GIT1: variants seen among roughly 807,000 people sequenced by gnomAD.
The protein encoded by GIT1 is ARF GTPase-activating protein GIT1.
GIT1 carries 14 observed loss-of-function variants against 91.7 expected under a neutral mutation model. The ratio of observed to expected loss-of-function variants is 0.15; its 90% CI spans 0.10 to 0.24. GIT1 has a LOEUF of 0.24. Among genes scored for constraint, GIT1 ranks in the 10% least tolerant of loss-of-function variants. The pLI is 1.00. For missense variants in GIT1, 717 were observed against 1,024.9 expected (o/e 0.70, Z 4.10); for synonymous variants, 414 against 418.2 (o/e 0.99, Z 0.12).
At chr17:29,579,782 G>A (rs1201020018) in intron 7 of GIT1, among the ~76,000 whole-genome samples, 1 of 151,646 alleles carries the variant, frequency 6.6e-6, no homozygotes, top group Non-Finnish European at 1.5e-5. Flanking sequence ...TCTCCTCCCT[G>A]AAAAATAGAT....
At chr17:29,586,197 A>G (rs986409016) in intron 1 of GIT1, among the ~76,000 whole-genome samples, 1 of 152,224 alleles carries the variant, frequency 6.6e-6, no homozygotes, top group Middle Eastern at 3.2e-3. Context: ...GAAATGTTCT[A>G]TAACATGCTT....
Position 29,589,082 on chromosome 17 carries a change from C to A in GIT1, c.52+245G>T, listed in dbSNP as rs1230510320. ...TGCCCGCCTCCCTCAGACCGAGGAGCGGGAGGCGGCGCCGGGAACGTCCTT... is the reference window on the plus strand; with the variant it reads ...TGCCCGCCTCCCTCAGACCGAGGAGAGGGAGGCGGCGCCGGGAACGTCCTT... On this transcript the variant is annotated intron_variant, in intron 1 of 19. Transcript: ENST00000225394. The surrounding 1 kb of genome is among the most constrained non-coding windows in gnomAD (Gnocchi z 5.2). Among the ~76,000 whole-genome samples, 2 of 152,132 alleles carry A rather than the reference C, an allele frequency of 1.3e-5. No homozygotes were observed. The highest frequency in any genetic ancestry group is 3.9e-4 in the East Asian group (2 of 5,172).
At chr17:29,577,820 C>A in intron 9 of GIT1, 78 bp from the exon 10 acceptor site, 1 of 866,954 alleles carries the variant, frequency 1.2e-6, no homozygotes. Context: ...CTGAGCCCAG[C>A]CTTCCTAGCT....
chr17:29,574,532 T>G lies in GIT1; in HGVS notation c.*170A>C. The G allele has an allele frequency of 1.5e-6, 1 of 682,380 alleles. No homozygotes were observed. Among genetic ancestry groups the G allele is most frequent in the Non-Finnish European group, 2.6e-6 (1 of 378,322 alleles). 42.3% of individuals were successfully genotyped at this position (682,380 alleles called of 1,614,324 possible). On this transcript the variant is annotated 3_prime_UTR_variant, in exon 20 of 20. Transcript: ENST00000225394. ...CTCCTGCCCCCCCACCTCCCCATCCTTAGGGGCTCGACAGGGGTGGGCACC... is the reference window on the plus strand; with the variant it reads ...CTCCTGCCCCCCCACCTCCCCATCCGTAGGGGCTCGACAGGGGTGGGCACC...
Position 29,576,651 on chromosome 17 carries a change from A to G in GIT1, c.1251T>C (p.Ser417=), listed in dbSNP as rs780389107. The stretch of plus-strand genomic sequence containing the variant: ...ACTCCTGCAGCGTCACAGCCCCGTC[A>G]GACAAGTCCGAGGAGTCCATGCTCT... ...RARSMDSSDL[S]DGAVTLQEYL... The change falls in exon 13 of 20, where the codon TCT becomes TCC. Residue 417 remains serine (S), a synonymous_variant. Coordinates refer to ENST00000225394, the MANE Select transcript of GIT1 (RefSeq NM_014030.4). The G allele has an allele frequency of 2.4e-5, 39 of 1,613,890 alleles. No homozygotes were observed. The South Asian group carries it at 4.1e-4, about 17-fold the overall frequency.
Position 29,582,089 on chromosome 17 carries a change from G to A in GIT1, c.461C>T (p.Ser154Phe). ...GNLETCLRLL[S>F]LGAQANFFHP... ...GAAGAAGTTGGCCTGGGCACCCAGGGAGAGCAGGCGCAGACATGTCTCCAG... is the reference window on the plus strand; with the variant it reads ...GAAGAAGTTGGCCTGGGCACCCAGGAAGAGCAGGCGCAGACATGTCTCCAG... The change falls in exon 5 of 20, where the codon TCC (serine) becomes TTC (phenylalanine). Residue 154 changes from serine (S) to phenylalanine (F), a missense_variant. Transcript: ENST00000225394. 6.2e-7 allele frequency: 1 copy of A among 1,604,654 alleles called. No individual in the cohort carries two copies. The highest frequency in any genetic ancestry group is 8.5e-7 in the Non-Finnish European group (1 of 1,179,390).
rs2042956029 is a variant in GIT1, at chr17:29,589,126, T to C, written c.52+201A>G. On this transcript the variant is annotated intron_variant, in intron 1 of 19. Coordinates refer to ENST00000225394, the MANE Select transcript of GIT1 (RefSeq NM_014030.4). This position sits in a 1 kb window ranked among gnomAD's most constrained non-coding sequence, Gnocchi z 5.2. Reference sequence around the variant, plus strand: ...CGTCCTTCCTCGCTAGTCCACGGCCTCCAGGGAGCATGGGCACCCCAGGCC... The same window carrying C: ...CGTCCTTCCTCGCTAGTCCACGGCCCCCAGGGAGCATGGGCACCCCAGGCC... Among the ~76,000 whole-genome samples, 1 of 151,884 alleles carries C rather than the reference T, an allele frequency of 6.6e-6. No individual in the cohort carries two copies. Among genetic ancestry groups the C allele is most frequent in the Admixed American group, 6.6e-5 (1 of 15,260 alleles).
At chr17:29,576,174 C>G (rs1219534416) in intron 14 of GIT1, 43 bp from the exon 15 acceptor site, 3 of 1,609,452 alleles carry the variant, frequency 1.9e-6, no homozygotes, top group Non-Finnish European at 2.6e-6. Flanking sequence ...GACCCTGCGG[C>G]AGCCCCACCC....
Position 29,582,956 on chromosome 17 carries a change from G to A in GIT1, c.268C>T (p.Arg90Trp), listed in dbSNP as rs1481564048. ...TTGTCTTGGGGGTTGGCTTTACGCC[G>A]GCCGCTCTGCACTTGTGCGGGGTCC... is the stretch of plus-strand genomic sequence containing the variant. ...LLDPAQVQSG[R>W]RKANPQDKVH... The change falls in exon 3 of 20, where the codon CGG becomes TGG. Residue 90 changes from arginine to tryptophan, a missense_variant. Arg to Trp is a moderately radical substitution (Grantham distance 101). Around this residue, in one of 3 missense-constraint regions of GIT1, gnomAD observed 271 missense variants for 451.6 expected, o/e 0.60. Transcript: ENST00000225394. 12 of 1,611,878 alleles carry A rather than the reference G, an allele frequency of 7.4e-6. No individual in the cohort carries two copies. Among genetic ancestry groups the A allele is most frequent in the Admixed American group, 3.3e-5 (2 of 60,002 alleles).
rs555366671 is a variant in GIT1, at chr17:29,576,268, G to A, written c.1563C>T (p.Gly521=). Residue 521 remains glycine (G), a synonymous_variant, in exon 14 of 20, where the codon GGC becomes GGT. Coordinates refer to ENST00000225394, the MANE Select transcript of GIT1 (RefSeq NM_014030.4). ...GCGTAGTGAGCTCGTCCCCAGGGGGGCCCCCAAAGGGCTTCAGGGCAGAGC... is the reference window on the plus strand; with the variant it reads ...GCGTAGTGAGCTCGTCCCCAGGGGGACCCCCAAAGGGCTTCAGGGCAGAGC... ...EPGSALKPFG[G]PPGDELTTRL... is the part of the protein sequence containing the mutation. 3.1e-6 allele frequency: 5 copies of A among 1,610,298 alleles called. No homozygotes were observed. The African/African-American group carries it at 5.3e-5, about 17-fold the overall frequency.
At position 29,578,296 on chromosome 17, in the gene GIT1, C is replaced by T. The variant is rs2033282632; in HGVS notation, c.883+3G>A. On this transcript the variant is annotated splice_donor_region_variant and intron_variant, in intron 9 of 19. Transcript: ENST00000225394. Reference sequence around the variant, plus strand: ...CGCCAGACACTCCTGCTCCCTGACTCACCTGCATCATTTTCTCTTCGATCC... The same window carrying T: ...CGCCAGACACTCCTGCTCCCTGACTTACCTGCATCATTTTCTCTTCGATCC... 1 of 1,612,432 alleles carries T rather than the reference C, an allele frequency of 6.2e-7. No homozygotes were observed. Among genetic ancestry groups the T allele is most frequent in the Non-Finnish European group, 8.5e-7 (1 of 1,178,544 alleles).
intron 7 of GIT1, chr17:29,580,990 G>A (rs1052603423): frequency 3.4e-6 from 1 of 295,842 alleles, no homozygotes; most frequent in Non-Finnish European, 6.7e-6. Flanking sequence ...TGTTGGCCAG[G>A]CTAGTCTTGA....
Position 29,577,651 on chromosome 17 carries a change from C to T in GIT1, c.975G>A (p.Arg325=). ...CCCAATCCAGCCCCCTCACCTGATT[C>T]CGCGTGGCTGAGTATTCCGGGTTAA... ...LPVNPEYSAT[R]NQGRQKLARF... The change falls in exon 10 of 20, where the codon CGG becomes CGA. Residue 325 remains arginine (R), a synonymous_variant. Coordinates refer to ENST00000225394, the MANE Select transcript of GIT1 (RefSeq NM_014030.4). The T allele has an allele frequency of 6.2e-7, 1 of 1,600,606 alleles. No homozygotes were observed. Among genetic ancestry groups the T allele is most frequent in the Non-Finnish European group, 8.6e-7 (1 of 1,167,876 alleles).
rs186466606 is a variant in GIT1 at position 29,575,496 on chromosome 17, G to A, written c.1827-26C>T. 2.9e-4 allele frequency: 458 copies of A among 1,590,838 alleles called. 1 individual carries two copies. The African/African-American group carries it at 3.7e-3, about 13-fold the overall frequency. ...CTGAGGCCCAGGTCCAGAAAACAGA[G>A]ACAAAGATACATATAGAGAAAGACA... On this transcript the variant is annotated intron_variant, in intron 17 of 19. Transcript: ENST00000225394. The surrounding 1 kb of genome is among the most constrained non-coding windows in gnomAD (Gnocchi z 5.5).
intron 8 of GIT1, 39 bp downstream of exon 8, chr17:29,578,691 GC>G: frequency 6.4e-7 from 1 of 1,565,070 alleles, no homozygotes; most frequent in Non-Finnish European, 8.8e-7. Context: ...TCAGAGAGGG[GC>G]CAGCTTCAAG....
intron 7 of GIT1, 144 bp from the exon 8 acceptor site, chr17:29,578,923 C>T: frequency 6.2e-7 from 1 of 1,608,740 alleles, no homozygotes; most frequent in Non-Finnish European, 8.5e-7. Flanking sequence ...CCCGCCCTAC[C>T]CCACCTTCAG....
rs1488642829 is a variant in GIT1 at position 29,581,888 on chromosome 17, C to T, written c.623+39G>A. On this transcript the variant is annotated intron_variant, in intron 5 of 19. Coordinates refer to ENST00000225394, the MANE Select transcript of GIT1 (RefSeq NM_014030.4). The surrounding 1 kb of genome is among the most constrained non-coding windows in gnomAD (Gnocchi z 4.8). Reference sequence around the variant, plus strand: ...CTGCAGCAGCAGCCCTCACCCACACCCCCACCCACCCACACTGCACCCTTC... The same window carrying T: ...CTGCAGCAGCAGCCCTCACCCACACTCCCACCCACCCACACTGCACCCTTC... 1.2e-6 allele frequency: 2 copies of T among 1,605,572 alleles called. No individual in the cohort carries two copies. Among genetic ancestry groups the T allele is most frequent in the Non-Finnish European group, 8.5e-7 (1 of 1,173,666 alleles).
At chr17:29,588,167 A>G (rs2033660923) in intron 1 of GIT1, among the ~76,000 whole-genome samples, 1 of 152,178 alleles carries the variant, frequency 6.6e-6, no homozygotes, top group South Asian at 2.1e-4. Context: ...GGTGGCTGAA[A>G]GTTATGGGCC....
Position 29,576,401 on chromosome 17 carries a change from G to T in GIT1, c.1430C>A (p.Pro477Gln). The T allele has an allele frequency of 6.2e-7, 1 of 1,613,260 alleles. No homozygotes were observed. The highest frequency in any genetic ancestry group is 2.2e-5 in the East Asian group (1 of 44,870). The change falls in exon 14 of 20, where the codon CCG becomes CAG. Residue 477 changes from proline (P) to glutamine (Q), a missense_variant. Transcript: ENST00000225394. ...ACTGGGGAGTGGAGGTGTGGGCACC[G>T]GCCCTGGAGGCTGCCGGAGCTGCAG... ...ENLQLRQPPG[P>Q]VPTPPLPSER... is the part of the protein sequence containing the mutation.
Sources: gnomAD v4.1 joint callset for allele counts (sites outside exome capture counted in the v4.1 genomes callset) on GRCh38, gnomAD v4.1.1 for gene constraint, gnomAD v4.1.1 regional missense constraint, Gnocchi (gnomAD v3.1) non-coding constraint, MANE v1.5 for transcripts, NCBI Gene and HGNC (gene_info 2026-07-23, HGNC 2026-07-21) for gene names.